Variants in PAQR5 observed in about 807,000 individuals in gnomAD.
PAQR5 encodes the protein progestin and adipoQ receptor family member 5, also known as membrane progestin receptor gamma.
A neutral mutation model predicts 34.5 loss-of-function variants in PAQR5; 20 were observed. The ratio of observed to expected loss-of-function variants is 0.58; its 90% confidence interval spans 0.41 to 0.84. PAQR5 has a LOEUF of 0.84. Among genes scored for constraint, PAQR5 ranks in the 40% least tolerant of loss-of-function variants. The pLI, the probability that PAQR5 is intolerant of heterozygous loss-of-function variation, is 0.00. For synonymous variants in PAQR5, 131 were observed against 155.6 expected, an observed-to-expected ratio of 0.84 and a Z score of 1.18; for missense variants, 378 against 412.7, an observed-to-expected ratio of 0.92 and a Z score of 0.73.
chr15:69,396,020 G>A (rs1221863021), intron 6 of PAQR5, among the ~76,000 whole-genome samples: 2 of 151,736 alleles, frequency 1.3e-5, no homozygotes, highest in Non-Finnish European at 2.9e-5. Context: ...GGACTGAGTG[G>A]AGCACAATAG....
At chr15:69,349,822 A>G (rs2054866915) in intron 2 of PAQR5, among the ~76,000 whole-genome samples, 1 of 151,838 alleles carries the variant, frequency 6.6e-6, no homozygotes, top group Non-Finnish European at 1.5e-5. Context: ...TTGTATTTTT[A>G]GAAGAGATGG....
At chr15:69,366,193 A>G (rs1701143731) in intron 3 of PAQR5, among the ~76,000 whole-genome samples, 1 of 152,198 alleles carries the variant, frequency 6.6e-6, no homozygotes, top group African/African-American at 2.4e-5. Context: ...TCTCCCACAA[A>G]TGGGATTGTG....
chr15:69,341,971 G>C (rs1023068820), intron 2 of PAQR5, among the ~76,000 whole-genome samples: 4 of 151,214 alleles, frequency 2.6e-5, no homozygotes, highest in African/African-American at 9.7e-5. Flanking sequence ...ACTTCTTTTG[G>C]GTATATAGAT....
At chr15:69,386,601 G>A (rs567607982) in intron 5 of PAQR5, among the ~76,000 whole-genome samples, 8 of 100,420 alleles carry the variant, frequency 8.0e-5, no homozygotes, top group African/African-American at 1.1e-4. Flanking sequence ...CCCACCCTCC[G>A]GATCCCCTCT....
At chr15:69,317,777 C>T (rs551770575) in intron 1 of PAQR5, among the ~76,000 whole-genome samples, 4 of 152,234 alleles carry the variant, frequency 2.6e-5, no homozygotes, top group Admixed American at 2.6e-4. Context: ...CGTGCCCACC[C>T]TCCTTTCCCC....
At position 69,406,862 on chromosome 15, in the gene PAQR5, C is replaced by T. The variant is rs1481787854; in HGVS notation, c.*3040C>T. ...TCCAGACTGGGCAACAGGGCAAGAC[C>T]CTGCCTCAAAAAAAAAAAAAAAAGA... On this transcript the variant is annotated 3_prime_UTR_variant, in exon 9 of 9. Coordinates refer to ENST00000395407, the MANE Select transcript of PAQR5 (RefSeq NM_017705.4). 6.7e-6 allele frequency: 1 copy of T among 149,758 alleles called. No individual in the cohort carries two copies. The highest frequency in any genetic ancestry group is 2.5e-5 in the African/African-American group (1 of 40,262). The allele number at this position is 149,758 out of a possible 1,614,324, so 9.3% of individuals were successfully genotyped here.
chr15:69,314,575 A>G lies in PAQR5; in HGVS notation c.-277+15519A>G, dbSNP rs367794328. On this transcript the variant is annotated intron_variant, in intron 1 of 8. Coordinates refer to ENST00000395407, the MANE Select transcript of PAQR5 (RefSeq NM_017705.4). ...CCATGGATGATAAAGTCTTTGCTTC[A>G]CACCCTCAGGATTACCTTAAAGGCC... 4.6e-5 allele frequency: 7 copies of G among 152,188 alleles called. No individual in the cohort carries two copies. In the East Asian group the frequency reaches 1.2e-3, roughly 25 times the overall value. The allele number at this position is 152,188 out of a possible 1,614,324, so 9.4% of individuals were successfully genotyped here. A position where few individuals can be genotyped will look rare whatever the true frequency, so the allele number is the denominator to read the frequency against.
intron 1 of PAQR5, among the ~76,000 whole-genome samples, chr15:69,309,016 T>G (rs929539806): frequency 3.9e-5 from 6 of 152,082 alleles, no homozygotes; most frequent in African/African-American, 1.4e-4. Flanking sequence ...GCTGGTGAAT[T>G]ACATTTGGAG....
rs919620643 is a variant in PAQR5 at position 69,404,398 on chromosome 15, G to C, written c.*576G>C. ...TCCACCTAGTGAAGGGAGAACAGAA[G>C]GGGAGTCCTCTCTTCCCACAAGTCC... is the stretch of plus-strand genomic sequence containing the variant. On this transcript the variant is annotated 3_prime_UTR_variant, in exon 9 of 9. Transcript: ENST00000395407. 6.6e-6 allele frequency: 1 copy of C among 152,566 alleles called. No individual in the cohort carries two copies. The highest frequency in any genetic ancestry group is 1.5e-5 in the Non-Finnish European group (1 of 68,318). The allele number at this position is 152,566 out of a possible 1,614,324, so 9.5% of individuals were successfully genotyped here.
chr15:69,381,471 T>A (rs909716969), intron 4 of PAQR5, among the ~76,000 whole-genome samples: 1 of 152,218 alleles, frequency 6.6e-6, no homozygotes, highest in African/African-American at 2.4e-5. Context: ...TTAGGCTGTT[T>A]TGAGATTTGA....
At chr15:69,334,349 A>C (rs2054463656) in intron 1 of PAQR5, among the ~76,000 whole-genome samples, 2 of 152,234 alleles carry the variant, frequency 1.3e-5, no homozygotes, top group African/African-American at 2.4e-5. Context: ...GACAGTTTTA[A>C]AGATTATTGG....
chr15:69,355,524 G>A (rs2140818209), intron 2 of PAQR5, among the ~76,000 whole-genome samples: 1 of 151,404 alleles, frequency 6.6e-6, no homozygotes, highest in Non-Finnish European at 1.5e-5. Flanking sequence ...AGGTTCAAGA[G>A]AGTCCCCTGC....
rs79402212 is a variant in PAQR5, at chr15:69,384,399, T to C, written c.180-278T>C. On this transcript the variant is annotated intron_variant, in intron 4 of 8. Transcript: ENST00000395407. ...GTGAGCGGGTCCTCCGTGTTCATGG[T>C]GGAGGGTGAGCGGGCCCTCCGTGTT... Among the ~76,000 whole-genome samples the C allele has an allele frequency of 1.1e-4, 12 of 108,668 alleles. 1 individual carries two copies. Among genetic ancestry groups the C allele is most frequent in the African/African-American group, 4.3e-4 (12 of 27,608 alleles). 71.3% of individuals were successfully genotyped at this position (108,668 alleles called of 152,430 possible).
chr15:69,339,563 C>T (rs887889354), intron 2 of PAQR5, among the ~76,000 whole-genome samples: 5 of 152,140 alleles, frequency 3.3e-5, no homozygotes, highest in Admixed American at 6.5e-5. Flanking sequence ...GCCTCTGCCT[C>T]CCAGGTTCAA....
chr15:69,312,179 G>A (rs1222083061), intron 1 of PAQR5, among the ~76,000 whole-genome samples: 5 of 152,146 alleles, frequency 3.3e-5, no homozygotes, highest in Admixed American at 2.0e-4. Flanking sequence ...AGGAAAATCT[G>A]CAATGAGGAG....
At chr15:69,376,980 C>G (rs963082399) in intron 3 of PAQR5, among the ~76,000 whole-genome samples, 18 of 152,168 alleles carry the variant, frequency 1.2e-4, no homozygotes, top group Non-Finnish European at 2.2e-4. Flanking sequence ...GGTCTGTGCT[C>G]TCCTGCAGCC....
chr15:69,346,297 A>ATTTTTTTTTTTTTT (rs34728909), intron 2 of PAQR5, among the ~76,000 whole-genome samples: 1 of 81,490 alleles, frequency 1.2e-5, no homozygotes, highest in Non-Finnish European at 2.1e-5. Flanking sequence ...ATATTTTGTA[A>ATTTTTTTTTTTTTT]TTTTTTTTTT....
chr15:69,365,149 C>G (rs1469377171), intron 3 of PAQR5, among the ~76,000 whole-genome samples: 1 of 150,996 alleles, frequency 6.6e-6, no homozygotes, highest in African/African-American at 2.4e-5. Flanking sequence ...CTTTGTCACC[C>G]AGGCTGGAGT....
At chr15:69,342,463 A>G (rs1308637236) in intron 2 of PAQR5, among the ~76,000 whole-genome samples, 1 of 152,124 alleles carries the variant, frequency 6.6e-6, no homozygotes, top group African/African-American at 2.4e-5. Context: ...TCTGATTTGC[A>G]AATCTCCCAT....
Sources: allele counts gnomAD v4.1 joint callset (sites outside exome capture counted in the v4.1 genomes callset), GRCh38; gene constraint gnomAD v4.1.1; transcripts MANE v1.5; gene names NCBI Gene and HGNC (gene_info 2026-07-23, HGNC 2026-07-21).